Variants in SLC20A2 observed in about 807,000 individuals in gnomAD.
SLC20A2 encodes the protein solute carrier family 20 member 2.
In SLC20A2, 30 loss-of-function variants were observed where a neutral mutation model predicts 61.0. That is an observed-to-expected ratio of 0.49 (90% CI 0.37 to 0.67). The LOEUF (loss-of-function observed/expected upper bound fraction) is 0.67, where lower values mean the gene tolerates loss of function less well. SLC20A2 is among the 30% of genes least tolerant of loss of function. The pLI, the probability that SLC20A2 is intolerant of heterozygous loss-of-function variation, is 0.00. For missense variants in SLC20A2, 626 were observed against 866.4 expected, an observed-to-expected ratio of 0.72 and a Z score of 3.48; for synonymous variants, 351 against 353.3, an observed-to-expected ratio of 0.99 and a Z score of 0.07.
chr8:42,457,077 C>T (rs930677651), intron 5 of SLC20A2, among the ~76,000 whole-genome samples: 1 of 151,882 alleles, frequency 6.6e-6, no homozygotes, highest in African/African-American at 2.4e-5. Context: ...GTGCCCGCCA[C>T]CATGACCAGC....
chr8:42,514,107 T>C (rs1056287464), intron 1 of SLC20A2, among the ~76,000 whole-genome samples: 4 of 152,174 alleles, frequency 2.6e-5, no homozygotes, highest in Non-Finnish European at 5.9e-5. Context: ...TGGATACACA[T>C]TAAAATCTCC....
Position 42,528,490 on chromosome 8 carries a change from T to C in SLC20A2, c.-265+13331A>G, listed in dbSNP as rs547501502. ...AAAAAAAAGAAAAGAAAAAAGAATA[T>C]GCATTTATAAAACAGCCAAATTTTA... is the stretch of plus-strand genomic sequence containing the variant. On this transcript the variant is annotated intron_variant, in intron 1 of 10. Transcript: ENST00000342228. Among the ~76,000 whole-genome samples, 10 of 151,630 alleles carry C rather than the reference T, an allele frequency of 6.6e-5. No homozygotes were observed. In the South Asian group the frequency reaches 1.9e-3, roughly 28 times the overall value.
chr8:42,488,163 G>A (rs989516255), intron 1 of SLC20A2, among the ~76,000 whole-genome samples: 38 of 147,918 alleles, frequency 2.6e-4, no homozygotes, highest in African/African-American at 7.5e-4. Context: ...GACTTTTAGC[G>A]ACTGTGAATA....
intron 2 of SLC20A2, among the ~76,000 whole-genome samples, chr8:42,470,702 G>C (rs933123337): frequency 8.5e-5 from 13 of 152,138 alleles, no homozygotes; most frequent in Non-Finnish European, 1.6e-4. Flanking sequence ...GGCCAGGTGT[G>C]GTGGCTCACG....
At chr8:42,526,439 C>A (rs1364468785) in intron 1 of SLC20A2, among the ~76,000 whole-genome samples, 1 of 151,616 alleles carries the variant, frequency 6.6e-6, no homozygotes, top group Non-Finnish European at 1.5e-5. Flanking sequence ...TTTGGGAGGC[C>A]AAGGTGGGCG....
intron 1 of SLC20A2, among the ~76,000 whole-genome samples, chr8:42,480,793 C>G (rs1192760531): frequency 1.3e-5 from 2 of 152,096 alleles, no homozygotes; most frequent in Non-Finnish European, 2.9e-5. Flanking sequence ...TCCAGTAGCT[C>G]AGACTACAGG....
At chr8:42,418,724 C>T (rs996647295) in intron 10 of SLC20A2, among the ~76,000 whole-genome samples, 7 of 151,190 alleles carry the variant, frequency 4.6e-5, no homozygotes, top group African/African-American at 1.5e-4. Flanking sequence ...CCCGGCCGTG[C>T]GCGGTGGCTT....
At chr8:42,452,736 A>G (rs975434770) in intron 5 of SLC20A2, among the ~76,000 whole-genome samples, 4 of 150,938 alleles carry the variant, frequency 2.7e-5, no homozygotes, top group African/African-American at 9.8e-5. Flanking sequence ...GAGGGGGAGG[A>G]GGCCGCAGGA....
chr8:42,422,501 T>G (rs1252911230), intron 10 of SLC20A2, among the ~76,000 whole-genome samples: 1 of 152,138 alleles, frequency 6.6e-6, no homozygotes, highest in Admixed American at 6.6e-5. Flanking sequence ...TGGGAGAGGT[T>G]TTTTAGTTTT....
At chr8:42,540,152 C>CGT (rs904441259) in intron 1 of SLC20A2, among the ~76,000 whole-genome samples, 3 of 152,050 alleles carry the variant, frequency 2.0e-5, no homozygotes, top group Non-Finnish European at 4.4e-5. Context: ...CTTAGCTGGG[C>CGT]GTGGTGGCGG....
intron 2 of SLC20A2, among the ~76,000 whole-genome samples, chr8:42,467,397 G>A (rs974257576): frequency 5.9e-5 from 9 of 152,074 alleles, no homozygotes; most frequent in South Asian, 2.1e-4. Flanking sequence ...AGCATCAACC[G>A]GGAGAGATCA....
intron 1 of SLC20A2, among the ~76,000 whole-genome samples, chr8:42,498,668 C>G (rs937695159): frequency 1.3e-5 from 2 of 152,128 alleles, no homozygotes; most frequent in Admixed American, 6.5e-5. Flanking sequence ...GTTTTTAAGA[C>G]GGACGGAAGC....
chr8:42,474,908 A>G (rs1321851145), intron 1 of SLC20A2, among the ~76,000 whole-genome samples: 2 of 118,716 alleles, frequency 1.7e-5, no homozygotes, highest in Non-Finnish European at 3.2e-5. Flanking sequence ...AGACGGCCAG[A>G]GTCACGCTGG....
chr8:42,524,304 T>A (rs1811780618), intron 1 of SLC20A2, among the ~76,000 whole-genome samples: 1 of 152,188 alleles, frequency 6.6e-6, no homozygotes, highest in African/African-American at 2.4e-5. Flanking sequence ...ATATTTATAG[T>A]GATTTAATAT....
rs199804961 is a variant in SLC20A2 at position 42,437,230 on chromosome 8, G to A, written c.1282C>T (p.Leu428=). 94 of 1,613,870 alleles carry A rather than the reference G, an allele frequency of 5.8e-5. No individual in the cohort carries two copies. The East Asian group carries it at 2.0e-3, about 35-fold the overall frequency. The change falls in exon 8 of 11, where the codon CTG becomes TTG. Residue 428 remains leucine (L), a synonymous_variant. Transcript: ENST00000520262. The surrounding 1 kb of genome is among the most constrained non-coding windows in gnomAD (Gnocchi z 6.4). ...GDTVSYSKKR[L]RYDSYSSYCN... ...TAGCTCGAGTAGCTGTCGTAGCGCA[G>A]CCTCTTCTTGGAGTAGGACACGGTG...
At position 42,417,563 on chromosome 8, in the gene SLC20A2, A is replaced by C. The variant is rs968095914; in HGVS notation, c.*240T>G. The C allele has an allele frequency of 8.1e-5, 28 of 344,950 alleles. No individual in the cohort carries two copies. The highest frequency in any genetic ancestry group is 4.7e-4 in the Admixed American group (12 of 25,748). The allele number at this position is 344,950 out of a possible 1,614,324, so 21.4% of individuals were successfully genotyped here. ...TATATAAGTAACTGCACCACATTAT[A>C]TCACCACGATACCAGTTTAATACAT... On this transcript the variant is annotated 3_prime_UTR_variant, in exon 11 of 11. Coordinates refer to ENST00000520262, the MANE Select transcript of SLC20A2 (RefSeq NM_001257180.2).
chr8:42,538,549 G>C (rs1314184157), intron 1 of SLC20A2, among the ~76,000 whole-genome samples: 1 of 152,200 alleles, frequency 6.6e-6, no homozygotes, highest in African/African-American at 2.4e-5. Flanking sequence ...AAAGTGGAGA[G>C]AGGATTCCCC....
intron 1 of SLC20A2, among the ~76,000 whole-genome samples, chr8:42,515,967 T>C (rs1166994071): frequency 6.6e-6 from 1 of 152,178 alleles, no homozygotes; most frequent in South Asian, 2.1e-4. Context: ...ATGACACCAG[T>C]GCCACACAGA....
chr8:42,447,984 T>G (rs529257548), intron 5 of SLC20A2, among the ~76,000 whole-genome samples: 4 of 152,336 alleles, frequency 2.6e-5, no homozygotes, highest in Admixed American at 2.6e-4. Flanking sequence ...ACCCCTTGGT[T>G]GGTTGCACTG....
Sources: gnomAD v4.1 joint callset for allele counts (sites outside exome capture counted in the v4.1 genomes callset) on GRCh38, gnomAD v4.1.1 for gene constraint, Gnocchi (gnomAD v3.1) non-coding constraint, MANE v1.5 for transcripts, NCBI Gene and HGNC (gene_info 2026-07-23, HGNC 2026-07-21) for gene names.